Variants in STARD9 observed in about 807,000 individuals in gnomAD.
The protein encoded by STARD9 is stAR-related lipid transfer protein 9.
A neutral mutation model predicts 399.8 loss-of-function variants in STARD9; 346 were observed. The observed-to-expected ratio is 0.87, with a 90% CI of 0.79 to 0.95. The LOEUF (loss-of-function observed/expected upper bound fraction) is 0.95. Among genes scored for constraint, STARD9 ranks in the 40% least tolerant of loss-of-function variants. STARD9 has a pLI of 0.00. For synonymous variants in STARD9, 2,203 were observed against 2,143.5 expected, an observed-to-expected ratio of 1.03 and a Z score of -0.77; for missense variants, 5,832 against 5,667.5, an observed-to-expected ratio of 1.03 and a Z score of -0.93.
chr15:42,699,666 T>C (rs1353639262), intron 26 of STARD9, among the ~76,000 whole-genome samples: 2 of 151,912 alleles, frequency 1.3e-5, no homozygotes, highest in African/African-American at 4.8e-5. Context: ...ATGCTGGGAT[T>C]ACAGACGTGA....
At chr15:42,617,782 C>G (rs1253576257) in intron 3 of STARD9, among the ~76,000 whole-genome samples, 12 of 151,720 alleles carry the variant, frequency 7.9e-5, no homozygotes, top group Admixed American at 7.9e-4. Context: ...GAGACAGGGT[C>G]TTGCTCTTTT....
chr15:42,634,375 G>A (rs916917636), intron 3 of STARD9, among the ~76,000 whole-genome samples: 2 of 152,172 alleles, frequency 1.3e-5, no homozygotes, highest in African/African-American at 4.8e-5. Context: ...TGAGGAGGGA[G>A]TGTGTAGAAA....
Position 42,674,380 on chromosome 15 carries a change from C to T in STARD9, c.1498-60C>T, listed in dbSNP as rs1245912234. ...TGAGAATATTCTAATGTGGACTCTC[C>T]TGTAGGGCAAGGCTCTGTCCCTTTT... On this transcript the variant is annotated intron_variant, in intron 16 of 32. Transcript: ENST00000290607. 4.5e-6 allele frequency: 6 copies of T among 1,329,890 alleles called. No homozygotes were observed. The East Asian group carries it at 1.0e-4, about 22-fold the overall frequency. 82.4% of individuals were successfully genotyped at this position (1,329,890 alleles called of 1,614,324 possible).
At chr15:42,699,833 A>G (rs1017204954) in intron 26 of STARD9, among the ~76,000 whole-genome samples, 5 of 151,826 alleles carry the variant, frequency 3.3e-5, no homozygotes, top group Non-Finnish European at 7.4e-5. Flanking sequence ...CAGCTTCCCA[A>G]GTAGCTAGAA....
chr15:42,576,859 AAGTT>A (rs756142405), intron 1 of STARD9, among the ~76,000 whole-genome samples: 9 of 152,296 alleles, frequency 5.9e-5, no homozygotes, highest in Non-Finnish European at 1.2e-4. Flanking sequence ...AAGAAACAAA[AAGTT>A]AAAGAGAATA....
In STARD9 at chr15:42,690,748, G is replaced by A. The variant is rs2060672227; in HGVS notation, c.9170G>A (p.Cys3057Tyr). ...VAAVLSRAQG[C>Y]RSPSAPDVRT... ...GCTGTCCTATCTCGAGCTCAAGGCT[G>A]CAGATCCCCTTCTGCTCCTGACGTG... is the stretch of plus-strand genomic sequence containing the variant. Residue 3057 changes from cysteine to tyrosine, a missense_variant, in exon 23 of 33, where the codon TGC becomes TAC. Cys to Tyr is a radical substitution (Grantham distance 194). Coordinates refer to ENST00000290607, the MANE Select transcript of STARD9 (RefSeq NM_020759.3). 1 of 1,537,162 alleles carries A rather than the reference G, an allele frequency of 6.5e-7. No individual in the cohort carries two copies. The highest frequency in any genetic ancestry group is 1.4e-5 in the African/African-American group (1 of 73,058).
At chr15:42,632,280 A>G (rs146982151) in intron 3 of STARD9, among the ~76,000 whole-genome samples, 18 of 151,446 alleles carry the variant, frequency 1.2e-4, no homozygotes, top group African/African-American at 4.4e-4. Flanking sequence ...TTCCATTTGC[A>G]TGGGTTATCT....
intron 32 of STARD9, 146 bp from the exon 33 acceptor site, chr15:42,719,327 C>G: frequency 1.6e-6 from 1 of 612,158 alleles, no homozygotes; most frequent in South Asian, 2.0e-5. Context: ...ATCTGGATGG[C>G]AGAGCCCAGG....
rs147213920 is a variant in STARD9 at position 42,692,585 on chromosome 15, T to C, written c.11007T>C (p.Phe3669=). ...CTGAAGCCAGTGCAGTATCAGCCTT[T>C]GATCTGGCCTCATGGACCAGCATGC... ...AQPEASAVSA[F]DLASWTSMHN... The change falls in exon 23 of 33, where the codon TTT becomes TTC. Residue 3669 remains phenylalanine (F), a synonymous_variant. Transcript: ENST00000290607. The C allele has an allele frequency of 4.3e-4, 662 of 1,537,210 alleles. 1 individual carries two copies. The highest frequency in any genetic ancestry group is 1.2e-3 in the South Asian group (100 of 84,060).
Position 42,691,639 on chromosome 15 carries a change from G to A in STARD9, c.10061G>A (p.Gly3354Glu), listed in dbSNP as rs2060706311. ...TCCCCTACAGACGAAGATACACAGG[G>A]GCCTAACAGATTGTGGAACCCACAT... ...PPSPTDEDTQ[G>E]PNRLWNPHLR... is the part of the protein sequence containing the mutation. The change falls in exon 23 of 33, where the codon GGG becomes GAG. Residue 3354 changes from glycine (G) to glutamate (E), a missense_variant. Coordinates refer to ENST00000290607, the MANE Select transcript of STARD9 (RefSeq NM_020759.3). The A allele has an allele frequency of 2.0e-6, 3 of 1,537,098 alleles. No individual in the cohort carries two copies. Among genetic ancestry groups the A allele is most frequent in the Non-Finnish European group, 2.6e-6 (3 of 1,146,922 alleles).
chr15:42,631,536 C>T (rs904065490), intron 3 of STARD9, among the ~76,000 whole-genome samples: 5 of 151,636 alleles, frequency 3.3e-5, no homozygotes, highest in South Asian at 2.1e-4. Context: ...GCTGAGATGA[C>T]GCCATTGTAC....
chr15:42,678,912 C>T (rs2140187747), intron 20 of STARD9, among the ~76,000 whole-genome samples: 1 of 152,336 alleles, frequency 6.6e-6, no homozygotes, highest in Non-Finnish European at 1.5e-5. Context: ...TCTGTGCGGC[C>T]TCTTGGGTGA....
At chr15:42,617,656 A>T (rs1489612979) in intron 3 of STARD9, among the ~76,000 whole-genome samples, 1 of 152,214 alleles carries the variant, frequency 6.6e-6, no homozygotes, top group African/African-American at 2.4e-5. Flanking sequence ...TTATATAGAA[A>T]AGGAATCTAA....
chr15:42,616,683 A>G (rs1252743773), intron 3 of STARD9, among the ~76,000 whole-genome samples: 1 of 152,044 alleles, frequency 6.6e-6, no homozygotes, highest in Admixed American at 6.6e-5. Context: ...CCAGGTCAGG[A>G]GATCGAGACC....
rs1281799972 is a variant in STARD9, at chr15:42,691,178, C to T, written c.9600C>T (p.Thr3200=). 2 of 1,537,110 alleles carry T rather than the reference C, an allele frequency of 1.3e-6. No homozygotes were observed. The highest frequency in any genetic ancestry group is 1.7e-6 in the Non-Finnish European group (2 of 1,146,914). The change falls in exon 23 of 33, where the codon ACC becomes ACT. Residue 3200 remains threonine, a synonymous_variant. Coordinates refer to ENST00000290607, the MANE Select transcript of STARD9 (RefSeq NM_020759.3). ...QAKFVARLKH[T]CSPQEDSPWQ... ...AGTTTGTAGCAAGGTTAAAACATAC[C>T]TGCAGCCCCCAGGAAGACAGTCCCT... is the stretch of plus-strand genomic sequence containing the variant.
intron 26 of STARD9, among the ~76,000 whole-genome samples, chr15:42,704,682 G>A (rs1174677786): frequency 1.3e-5 from 2 of 152,182 alleles, no homozygotes; most frequent in Non-Finnish European, 1.5e-5. Flanking sequence ...TCCCCACCTC[G>A]TGTGGTAATG....
At chr15:42,698,638 A>G (rs536795979) in intron 26 of STARD9, among the ~76,000 whole-genome samples, 5 of 152,312 alleles carry the variant, frequency 3.3e-5, no homozygotes, top group South Asian at 2.1e-4. Flanking sequence ...AGGCCATGCA[A>G]GCAGATATAT....
chr15:42,648,355 G>A (rs2059687390), intron 7 of STARD9, among the ~76,000 whole-genome samples: 1 of 152,120 alleles, frequency 6.6e-6, no homozygotes, highest in South Asian at 2.1e-4. Flanking sequence ...TAGAGATGGG[G>A]TTTCACCATG....
At chr15:42,657,969 CAT>C (rs548165170) in intron 9 of STARD9, among the ~76,000 whole-genome samples, 3 of 152,156 alleles carry the variant, frequency 2.0e-5, no homozygotes, top group Admixed American at 6.5e-5. Flanking sequence ...AAAGTTAACT[CAT>C]ATTGAATCAT....
Sources: gnomAD v4.1 joint callset for allele counts (sites outside exome capture counted in the v4.1 genomes callset) on GRCh38, gnomAD v4.1.1 for gene constraint, MANE v1.5 for transcripts, NCBI Gene and HGNC (gene_info 2026-07-23, HGNC 2026-07-21) for gene names.